Variants in CERS2 observed in about 807,000 individuals in gnomAD.
The protein encoded by CERS2 is LAG1 homolog, ceramide synthase 2.
A neutral mutation model predicts 56.6 loss-of-function variants in CERS2; 20 were observed. The ratio of observed to expected loss-of-function variants is 0.35; its 90% CI spans 0.25 to 0.51. The LOEUF (loss-of-function observed/expected upper bound fraction) is 0.51. Among genes scored for constraint, CERS2 ranks in the 20% least tolerant of loss-of-function variants. The pLI, the probability that CERS2 is intolerant of heterozygous loss-of-function variation, is 0.96. For missense variants in CERS2, 361 were observed against 488.6 expected, an observed-to-expected ratio of 0.74 and a Z score of 2.46; for synonymous variants, 187 against 175.4, an observed-to-expected ratio of 1.07 and a Z score of -0.52.
In CERS2 at chr1:150,968,075, TC is replaced by T. The variant is rs1190177971; in HGVS notation, c.410+7del. ...TTGTCACCCAGCTTCTGCCCCAGCC[TC>T]CCCCACCTGGCTTCTCGGAACTTCT... On this transcript the variant is annotated splice_region_variant and intron_variant, in intron 4 of 10. Transcript: ENST00000368954. 4 of 1,607,590 alleles carry T rather than the reference TC, an allele frequency of 2.5e-6. No homozygotes were observed. Among genetic ancestry groups the T allele is most frequent in the Non-Finnish European group, 3.4e-6 (4 of 1,178,228 alleles).
In CERS2 at chr1:150,966,964, T is replaced by C; in HGVS notation, c.742-102A>G. ...AGCACTGACTCTGTGCCCTCCTCCT[T>C]GGTCCCAGGAATGTCATCCTCCAAA... On this transcript the variant is annotated intron_variant, in intron 8 of 10. Transcript: ENST00000368954. The C allele has an allele frequency of 2.0e-6, 3 of 1,473,282 alleles. 1 individual carries two copies. Among genetic ancestry groups the C allele is most frequent in the South Asian group, 2.3e-5 (2 of 87,282 alleles). 91.3% of individuals were successfully genotyped at this position (1,473,282 alleles called of 1,614,324 possible).
At chr1:150,969,294 G>A (rs1671117747) in intron 1 of CERS2, 4 of 564,912 alleles carry the variant, frequency 7.1e-6, no homozygotes, top group Non-Finnish European at 1.3e-5. Flanking sequence ...TTTACTGTTA[G>A]GCCGGCCGTG....
chr1:150,971,742 C>A, intron 1 of CERS2: 1 of 370,430 alleles, frequency 2.7e-6, no homozygotes, highest in Non-Finnish European at 5.6e-6. Flanking sequence ...GTAGAAAATG[C>A]ACAGAGAAGG....
chr1:150,965,867 AGGGAGG>A lies in CERS2; in HGVS notation c.*275_*280del. ...TGTAACCCCTACCCACAGAGAGCTG[AGGGAGG>A]GCCTCAAAAGCAGTAGAAAGGATGA... On this transcript the variant is annotated 3_prime_UTR_variant, in exon 11 of 11. Coordinates refer to ENST00000368954, the MANE Select transcript of CERS2 (RefSeq NM_022075.5). 1 of 358,118 alleles carries A rather than the reference AGGGAGG, an allele frequency of 2.8e-6. No individual in the cohort carries two copies. Among genetic ancestry groups the A allele is most frequent in the South Asian group, 5.3e-5 (1 of 18,886 alleles). 22.2% of individuals were successfully genotyped at this position (358,118 alleles called of 1,614,324 possible).
intron 1 of CERS2, among the ~76,000 whole-genome samples, chr1:150,973,448 C>T (rs942573312): frequency 9.9e-5 from 15 of 152,232 alleles, no homozygotes; most frequent in Admixed American, 4.6e-4. Flanking sequence ...TAAAAGGAGG[C>T]CCTTCCTCCC....
rs1051163249 is a variant in CERS2, at chr1:150,965,433, C to T, written c.*715G>A. ...AAAATTAGAATTAGTTGCCATTCTA[C>T]TCCAAACCAGCTAGCCTAGCTGAAG... is the stretch of plus-strand genomic sequence containing the variant. On this transcript the variant is annotated 3_prime_UTR_variant, in exon 11 of 11. Transcript: ENST00000368954. The T allele has an allele frequency of 1.3e-5, 2 of 152,548 alleles. No individual in the cohort carries two copies. Among genetic ancestry groups the T allele is most frequent in the Non-Finnish European group, 2.9e-5 (2 of 68,022 alleles). The allele number at this position is 152,548 out of a possible 1,614,324, so 9.4% of individuals were successfully genotyped here.
Position 150,968,944 on chromosome 1 carries a change from G to A in CERS2, c.147C>T (p.Phe49=), listed in dbSNP as rs750547953. Residue 49 remains phenylalanine, a synonymous_variant, in exon 2 of 11, where the codon TTC becomes TTT. Coordinates refer to ENST00000368954, the MANE Select transcript of CERS2 (RefSeq NM_022075.5). ...GCTCAAAGAAGTATCGAACGATGAGGAAGAGCAAGGCCAGGGGCAGCGTGA... is the reference window on the plus strand; with the variant it reads ...GCTCAAAGAAGTATCGAACGATGAGAAAGAGCAAGGCCAGGGGCAGCGTGA... ...LYITLPLALL[F]LIVRYFFELY... The A allele has an allele frequency of 1.2e-6, 2 of 1,613,792 alleles. No homozygotes were observed. Among genetic ancestry groups the A allele is most frequent in the Non-Finnish European group, 1.7e-6 (2 of 1,179,986 alleles).
intron 1 of CERS2, 106 bp downstream of exon 1, chr1:150,974,513 C>G (rs1356138064): frequency 6.7e-6 from 1 of 149,356 alleles, no homozygotes; most frequent in East Asian, 2.0e-4. Flanking sequence ...CCAGCCCGAC[C>G]CCTCCGCGGC....
chr1:150,972,392 C>T (rs977257354), intron 1 of CERS2, among the ~76,000 whole-genome samples: 9 of 152,276 alleles, frequency 5.9e-5, no homozygotes, highest in African/African-American at 1.9e-4. Context: ...TGGGGCCTGG[C>T]CGGCCTCACT....
chr1:150,970,251 A>AAAG (rs1558033718), intron 1 of CERS2, among the ~76,000 whole-genome samples: 2 of 124,304 alleles, frequency 1.6e-5, no homozygotes, highest in Non-Finnish European at 3.6e-5. Context: ...AAAAAAAAAA[A>AAAG]GCCAAGGTAA....
intron 8 of CERS2, 26 bp downstream of exon 8, chr1:150,967,048 G>A (rs752640946): frequency 3.7e-6 from 6 of 1,613,490 alleles, no homozygotes; most frequent in South Asian, 1.1e-5. Context: ...CCTGCACCAG[G>A]GTCTCTAGAT....
chr1:150,969,320 G>A (rs1671118508), intron 1 of CERS2: 5 of 504,326 alleles, frequency 9.9e-6, no homozygotes, highest in East Asian at 3.4e-5. Flanking sequence ...TCATGCCTGT[G>A]GTCCCAGCAC....
intron 1 of CERS2, 174 bp from the exon 2 acceptor site, chr1:150,969,265 T>C: frequency 1.6e-6 from 1 of 611,538 alleles, no homozygotes; most frequent in Non-Finnish European, 2.9e-6. Flanking sequence ...TGTAATACGG[T>C]GGCTTTCCAG....
chr1:150,970,486 G>C (rs908881205), intron 1 of CERS2, among the ~76,000 whole-genome samples: 1 of 152,042 alleles, frequency 6.6e-6, no homozygotes, highest in African/African-American at 2.4e-5. Flanking sequence ...ATGGAATTAA[G>C]AGCTATTCTT....
chr1:150,969,155 TA>T, intron 1 of CERS2, 64 bp from the exon 2 acceptor site: 1 of 1,461,734 alleles, frequency 6.8e-7, no homozygotes, highest in Admixed American at 1.8e-5. Context: ...GATAGATGAA[TA>T]AAAGTTTTCA....
rs760487229 is a variant in CERS2 at position 150,968,871 on chromosome 1, TGCAACTG to T, written c.173+40_173+46del. ...GGAACAAACTTGAAGTCCAAGAAAC[TGCAACTG>T]GCAACAGGGGAAGGCATGAGGGTAG... On this transcript the variant is annotated intron_variant, in intron 2 of 10. Coordinates refer to ENST00000368954, the MANE Select transcript of CERS2 (RefSeq NM_022075.5). 7.7e-6 allele frequency: 12 copies of T among 1,567,644 alleles called. 1 individual carries two copies. The South Asian group carries it at 1.3e-4, about 18-fold the overall frequency.
rs1252508777 is a variant in CERS2 at position 150,968,834 on chromosome 1, ATTAAACAGCAAGGAACAAAC to A, written c.173+64_173+83del. On this transcript the variant is annotated intron_variant, in intron 2 of 10. Transcript: ENST00000368954. The stretch of plus-strand genomic sequence containing the variant: ...GCCAGAACATCAGGGTCAAGGGCTA[ATTAAACAGCAAGGAACAAAC>A]TTGAAGTCCAAGAAACTGCAACTGG... The A allele has an allele frequency of 2.9e-6, 4 of 1,360,582 alleles. No homozygotes were observed. The East Asian group carries it at 9.2e-5, about 31-fold the overall frequency. The allele number at this position is 1,360,582 out of a possible 1,614,324, so 84.3% of individuals were successfully genotyped here.
In CERS2 at chr1:150,967,114, A is replaced by C; in HGVS notation, c.701T>G (p.Leu234Arg). 1 of 1,614,018 alleles carries C rather than the reference A, an allele frequency of 6.2e-7. No individual in the cohort carries two copies. Among genetic ancestry groups the C allele is most frequent in the Non-Finnish European group, 8.5e-7 (1 of 1,179,862 alleles). ...GGAAGAGTCATGCAGAGCCATGATT[A>C]GAGTCCCAGCTCGGATGTAATTGGC... ...WFANYIRAGT[L>R]IMALHDSSDY... The change falls in exon 8 of 11, where the codon CTA becomes CGA. Residue 234 changes from leucine to arginine, a missense_variant. By Grantham distance (102) the Leu-to-Arg change is moderately radical (BLOSUM62 -2). Transcript: ENST00000368954.
intron 2 of CERS2, among the ~76,000 whole-genome samples, 180 bp from the exon 3 acceptor site, chr1:150,968,692 G>A (rs1054755614): frequency 6.6e-6 from 1 of 152,186 alleles, no homozygotes; most frequent in Admixed American, 6.5e-5. Flanking sequence ...CAGGCGGGCG[G>A]CGGGTAGAGG....
Sources: allele counts gnomAD v4.1 joint callset (sites outside exome capture counted in the v4.1 genomes callset), GRCh38; gene constraint gnomAD v4.1.1; transcripts MANE v1.5; gene names NCBI Gene and HGNC (gene_info 2026-07-23, HGNC 2026-07-21).